The following EFCAB8 variants were observed in gnomAD, a reference collection of about 807,000 sequenced individuals.
The protein encoded by EFCAB8 is EF-hand calcium binding domain 8.
A neutral mutation model predicts 116.3 loss-of-function variants in EFCAB8; 100 were observed. The ratio of observed to expected loss-of-function variants is 0.86; its 90% CI spans 0.73 to 1.02. EFCAB8 has a LOEUF of 1.02. EFCAB8 is among the 50% of genes least tolerant of loss of function. The pLI, the probability that EFCAB8 is intolerant of heterozygous loss-of-function variation, is 0.00. For synonymous variants in EFCAB8, 558 were observed against 567.9 expected (o/e 0.98, Z 0.25); for missense variants, 1,320 against 1,416.9 (o/e 0.93, Z 1.10).
intron 4 of EFCAB8, among the ~76,000 whole-genome samples, chr20:32,878,306 A>G (rs1985096451): frequency 1.3e-5 from 2 of 151,584 alleles, no homozygotes; most frequent in African/African-American, 4.8e-5. Flanking sequence ...GCTCATGGTT[A>G]TAATCCCAGC....
rs1334471987 is a variant in EFCAB8 at position 32,958,425 on chromosome 20, G to A, written c.2964G>A (p.Thr988=). ...AGCAGTCTGGTCAAATCACAGGAACGTTTGGCCTGAGTGTGTGGAAAAGAC... is the reference window on the plus strand; with the variant it reads ...AGCAGTCTGGTCAAATCACAGGAACATTTGGCCTGAGTGTGTGGAAAAGAC... ...AWKLSGDAIG[T]FGLSVWKRLQ... Residue 988 remains threonine, a synonymous_variant, in exon 24 of 27, where the codon ACG becomes ACA. Transcript: ENST00000400522. The A allele has an allele frequency of 1.4e-5, 6 of 416,890 alleles. No individual in the cohort carries two copies. Among genetic ancestry groups the A allele is most frequent in the East Asian group, 3.6e-5 (1 of 28,078 alleles). 25.8% of individuals were successfully genotyped at this position (416,890 alleles called of 1,614,324 possible).
At position 32,933,941 on chromosome 20, in the gene EFCAB8, C is replaced by T. The variant is rs574539197; in HGVS notation, c.2790+2605C>T. On this transcript the variant is annotated intron_variant, in intron 22 of 26. Transcript: ENST00000400522. ...GCAGTGAGCCGAGGTTGCGCCACTG[C>T]ACTTCAGCCTGGGCAACAAAGTGAG... is the stretch of plus-strand genomic sequence containing the variant. Among the ~76,000 whole-genome samples, 71 of 152,284 alleles carry T rather than the reference C, an allele frequency of 4.7e-4. No individual in the cohort carries two copies. The South Asian group carries it at 5.8e-3, about 12-fold the overall frequency.
At chr20:32,904,603 CTTT>C (rs35810642) in intron 11 of EFCAB8, among the ~76,000 whole-genome samples, 17 of 96,306 alleles carry the variant, frequency 1.8e-4, no homozygotes, top group Admixed American at 2.4e-4. Context: ...CTGAATGGAG[CTTT>C]TTTTTTTTTT....
intron 13 of EFCAB8, 130 bp downstream of exon 13, chr20:32,907,124 AG>A: frequency 7.0e-7 from 1 of 1,422,964 alleles, no homozygotes; most frequent in Non-Finnish European, 9.1e-7. Context: ...CCCGGGTGGG[AG>A]GAAGGTGAGG....
intron 6 of EFCAB8, among the ~76,000 whole-genome samples, chr20:32,886,730 C>G (rs1944761318): frequency 6.6e-6 from 1 of 152,194 alleles, no homozygotes; most frequent in African/African-American, 2.4e-5. Context: ...ACCAAAGCAC[C>G]TCCAAAGGCT....
intron 23 of EFCAB8, among the ~76,000 whole-genome samples, chr20:32,952,599 G>C (rs1304342025): frequency 1.3e-5 from 2 of 152,068 alleles, no homozygotes; most frequent in Non-Finnish European, 2.9e-5. Flanking sequence ...GTATTTTGTT[G>C]TTTTTAAGAA....
chr20:32,908,230 C>G, intron 13 of EFCAB8, 45 bp from the exon 14 acceptor site: 1 of 1,248,312 alleles, frequency 8.0e-7, no homozygotes, highest in Non-Finnish European at 1.0e-6. Flanking sequence ...CCGGCTACAT[C>G]CCCGAGACCC....
At chr20:32,919,919 A>T (rs1987366973) in intron 19 of EFCAB8, among the ~76,000 whole-genome samples, 159 bp from the exon 20 acceptor site, 1 of 152,094 alleles carries the variant, frequency 6.6e-6, no homozygotes, top group Non-Finnish European at 1.5e-5. Context: ...CTTAAAGTGG[A>T]GGTTTCCGGG....
Position 32,860,479 on chromosome 20 carries a change from G to A in EFCAB8, c.-11+1473G>A, listed in dbSNP as rs112399440. 5.5e-3 allele frequency among the ~76,000 whole-genome samples: 800 copies of A among 144,518 alleles called. 12 individuals carry two copies. The highest frequency in any genetic ancestry group is 0.02 in the African/African-American group (763 of 37,902). 94.8% of individuals were successfully genotyped at this position (144,518 alleles called of 152,430 possible). On this transcript the variant is annotated intron_variant, in intron 1 of 26. Transcript: ENST00000400522. ...GTGATGGATGTCATTTTGTTCCATC[G>A]CTGATGGTGGTAACTTTTTTTTTTT...
Position 32,885,657 on chromosome 20 carries a change from C to T in EFCAB8, c.567+17C>T. The T allele has an allele frequency of 1.3e-6, 2 of 1,551,610 alleles. No homozygotes were observed. The highest frequency in any genetic ancestry group is 2.4e-5 in the East Asian group (1 of 40,922). On this transcript the variant is annotated intron_variant, in intron 6 of 26. Transcript: ENST00000400522. Reference sequence around the variant, plus strand: ...TCCTTTAGGGTGAGTGGGGCCCCTACACATGGTGCACACATGGGTGATTGG... The same window carrying T: ...TCCTTTAGGGTGAGTGGGGCCCCTATACATGGTGCACACATGGGTGATTGG...
At chr20:32,877,938 C>CT (rs1242904426) in intron 4 of EFCAB8, among the ~76,000 whole-genome samples, 4 of 152,174 alleles carry the variant, frequency 2.6e-5, no homozygotes, top group African/African-American at 9.7e-5. Context: ...CTGCTGTGCT[C>CT]TTTCAGTGAA....
intron 22 of EFCAB8, among the ~76,000 whole-genome samples, chr20:32,935,211 T>TTTTTTTG: frequency 7.7e-6 from 1 of 130,614 alleles, no homozygotes; most frequent in Non-Finnish European, 1.6e-5. Context: ...TTTTTTTTTT[T>TTTTTTTG]TTTTTTGAGA....
At chr20:32,876,554 A>G (rs1984986423) in intron 4 of EFCAB8, among the ~76,000 whole-genome samples, 1 of 152,242 alleles carries the variant, frequency 6.6e-6, no homozygotes, top group African/African-American at 2.4e-5. Flanking sequence ...ATAGTCTGAC[A>G]AATTGATGTA....
At chr20:32,958,351 G>A (rs1013875195) in intron 23 of EFCAB8, 70 bp from the exon 24 acceptor site, 2 of 414,642 alleles carry the variant, frequency 4.8e-6, no homozygotes, top group Non-Finnish European at 8.9e-6. Context: ...GAAGGGAGAG[G>A]ATAAGGGGCA....
chr20:32,864,222 G>T (rs1274201256), intron 2 of EFCAB8, among the ~76,000 whole-genome samples: 2 of 150,772 alleles, frequency 1.3e-5, no homozygotes, highest in Non-Finnish European at 3.0e-5. Flanking sequence ...TGATCTGCCC[G>T]CCTCAGCCTC....
At chr20:32,917,637 G>A (rs1987249902) in intron 18 of EFCAB8, 132 bp downstream of exon 18, 1 of 1,041,690 alleles carries the variant, frequency 9.6e-7, no homozygotes, top group Non-Finnish European at 1.4e-6. Flanking sequence ...ATGGGGTGGG[G>A]AGCTTGGTTA....
chr20:32,935,062 T>A (rs932895335), intron 22 of EFCAB8, among the ~76,000 whole-genome samples: 1 of 152,130 alleles, frequency 6.6e-6, no homozygotes, highest in African/African-American at 2.4e-5. Context: ...TTGTTTTTCC[T>A]AATGATTAGT....
intron 23 of EFCAB8, among the ~76,000 whole-genome samples, chr20:32,944,452 G>A (rs548190291): frequency 7.2e-5 from 11 of 152,078 alleles, no homozygotes; most frequent in Admixed American, 7.2e-4. Flanking sequence ...GCAACAGAGT[G>A]AGACTCTGTC....
At chr20:32,925,820 G>A (rs1463727277) in intron 20 of EFCAB8, among the ~76,000 whole-genome samples, 2 of 152,250 alleles carry the variant, frequency 1.3e-5, no homozygotes, top group African/African-American at 2.4e-5. Context: ...ACCCGCTGTG[G>A]TTGAGATACT....
Sources: gnomAD v4.1 joint callset for allele counts (sites outside exome capture counted in the v4.1 genomes callset) on GRCh38, gnomAD v4.1.1 for gene constraint, MANE v1.5 for transcripts, NCBI Gene and HGNC (gene_info 2026-07-23, HGNC 2026-07-21) for gene names.